The following ETV6 variants were observed in gnomAD, a reference collection of about 807,000 sequenced individuals.
The protein encoded by ETV6 is ETS variant transcription factor 6.
A neutral mutation model predicts 51.1 loss-of-function variants in ETV6; 16 were observed. The observed-to-expected ratio is 0.31, with a 90% CI of 0.21 to 0.48. ETV6 has a LOEUF of 0.48. ETV6 is among the 20% of genes least tolerant of loss of function. The pLI is 0.99. For missense variants in ETV6, 458 were observed against 594.8 expected, an observed-to-expected ratio of 0.77 and a Z score of 2.39; for synonymous variants, 240 against 224.1, an observed-to-expected ratio of 1.07 and a Z score of -0.64.
chr12:11,712,589 A>C (rs2120888098), intron 1 of ETV6, among the ~76,000 whole-genome samples: 1 of 152,338 alleles, frequency 6.6e-6, no homozygotes, highest in Middle Eastern at 3.4e-3. Flanking sequence ...TAGGGATGGC[A>C]GGCTGGAGAC....
intron 1 of ETV6, among the ~76,000 whole-genome samples, chr12:11,687,482 CA>C (rs1274802532): frequency 2.0e-5 from 3 of 151,884 alleles, no homozygotes; most frequent in South Asian, 4.1e-4. Flanking sequence ...CCCAGCGCCA[CA>C]CCCCCTTTTT....
chr12:11,838,239 T>G (rs1433704199), intron 2 of ETV6, among the ~76,000 whole-genome samples: 1 of 152,238 alleles, frequency 6.6e-6, no homozygotes, highest in Non-Finnish European at 1.5e-5. Flanking sequence ...ACAAGATGTT[T>G]TACTTCATAG....
At chr12:11,761,772 T>C (rs1004727216) in intron 2 of ETV6, among the ~76,000 whole-genome samples, 3 of 152,258 alleles carry the variant, frequency 2.0e-5, no homozygotes, top group African/African-American at 7.2e-5. Flanking sequence ...CTCAGGACTG[T>C]GGTTTCCACA....
intron 2 of ETV6, among the ~76,000 whole-genome samples, chr12:11,760,878 A>ATGTATGTG (rs1555125117): frequency 0.012 from 1,781 of 148,522 alleles, 14 homozygotes; most frequent in Non-Finnish European, 0.019. Context: ...TATTATATAT[A>ATGTATGTG]TGTGTGTGTG....
At chr12:11,736,262 A>G (rs942748488) in intron 1 of ETV6, among the ~76,000 whole-genome samples, 27 of 152,246 alleles carry the variant, frequency 1.8e-4, no homozygotes, top group African/African-American at 4.3e-4. Context: ...TCTACAGTGT[A>G]TCAGGCACTG....
At position 11,881,102 on chromosome 12, in the gene ETV6, T is replaced by G. The variant is rs188822285; in HGVS notation, c.1010-3343T>G. Among the ~76,000 whole-genome samples, 76 of 152,260 alleles carry G rather than the reference T, an allele frequency of 5.0e-4. No individual in the cohort carries two copies. In the East Asian group the frequency reaches 0.012, roughly 24 times the overall value. On this transcript the variant is annotated intron_variant, in intron 5 of 7. Coordinates refer to ENST00000396373, the MANE Select transcript of ETV6 (RefSeq NM_001987.5). Reference sequence around the variant, plus strand: ...ACAGGCATGCACCACCACGCCTGGATAATTTTTAAATTTTTTGTAGAGATG... The same window carrying G: ...ACAGGCATGCACCACCACGCCTGGAGAATTTTTAAATTTTTTGTAGAGATG...
At chr12:11,792,824 G>A (rs1945622026) in intron 2 of ETV6, among the ~76,000 whole-genome samples, 1 of 152,090 alleles carries the variant, frequency 6.6e-6, no homozygotes, top group East Asian at 1.9e-4. Context: ...GAAATAAAAA[G>A]CATTAAGTTT....
At chr12:11,708,432 G>A (rs1865112101) in intron 1 of ETV6, among the ~76,000 whole-genome samples, 2 of 152,208 alleles carry the variant, frequency 1.3e-5, no homozygotes. Context: ...TAATGGTGCT[G>A]TAACTGCGTT....
intron 2 of ETV6, among the ~76,000 whole-genome samples, chr12:11,834,707 C>G (rs928098358): frequency 6.6e-6 from 1 of 152,156 alleles, no homozygotes; most frequent in African/African-American, 2.4e-5. Flanking sequence ...TCAGAAGATC[C>G]TTCAGGAAGT....
At chr12:11,691,838 G>A (rs1007251367) in intron 1 of ETV6, among the ~76,000 whole-genome samples, 5 of 152,198 alleles carry the variant, frequency 3.3e-5, no homozygotes, top group East Asian at 1.9e-4. Flanking sequence ...AGTTGTCCAC[G>A]TGCAAAAGAG....
At chr12:11,654,862 A>G (rs1863972001) in intron 1 of ETV6, among the ~76,000 whole-genome samples, 1 of 152,190 alleles carries the variant, frequency 6.6e-6, no homozygotes, top group Admixed American at 6.5e-5. Context: ...AATCCTATTT[A>G]TACTTTAATT....
At chr12:11,880,256 C>T (rs1591745678) in intron 5 of ETV6, among the ~76,000 whole-genome samples, 1 of 152,162 alleles carries the variant, frequency 6.6e-6, no homozygotes, top group Non-Finnish European at 1.5e-5. Flanking sequence ...TTTTATTACT[C>T]AGCTAAAGTT....
rs75366858 is a variant in ETV6 at position 11,828,906 on chromosome 12, A to G, written c.164-10234A>G. Among the ~76,000 whole-genome samples, 940 of 152,278 alleles carry G rather than the reference A, an allele frequency of 6.2e-3. 12 individuals carry two copies. Among genetic ancestry groups the G allele is most frequent in the African/African-American group, 0.022 (901 of 41,542 alleles). ...TGCGTTACATGACTTAATCTTGATT[A>G]CTGAAACTTTTTAAAGGTACCCCTT... On this transcript the variant is annotated intron_variant, in intron 2 of 7. Coordinates refer to ENST00000396373, the MANE Select transcript of ETV6 (RefSeq NM_001987.5).
chr12:11,717,731 G>A (rs1249211611), intron 1 of ETV6, among the ~76,000 whole-genome samples: 6 of 152,162 alleles, frequency 3.9e-5, no homozygotes, highest in Non-Finnish European at 5.9e-5. Context: ...AAAATACACC[G>A]TGGGACATTT....
chr12:11,885,006 A>C (rs1257011672), intron 6 of ETV6, among the ~76,000 whole-genome samples: 1 of 152,222 alleles, frequency 6.6e-6, no homozygotes, highest in African/African-American at 2.4e-5. Context: ...CCATTTCTTT[A>C]TAGAAAATAC....
At position 11,714,977 on chromosome 12, in the gene ETV6, T is replaced by A. The variant is rs928045311; in HGVS notation, c.34-37473T>A. Among the ~76,000 whole-genome samples the A allele has an allele frequency of 1.2e-4, 19 of 152,006 alleles. 1 individual carries two copies. On this transcript the variant is annotated intron_variant, in intron 1 of 7. Transcript: ENST00000396373. ...AAGACCATGGGCCCATCACACCCAG[T>A]TTGGAGATGATTAAAGATGATACCC...
intron 1 of ETV6, among the ~76,000 whole-genome samples, chr12:11,689,828 C>A (rs554752018): frequency 1.6e-5 from 2 of 125,256 alleles, no homozygotes; most frequent in Non-Finnish European, 3.3e-5. Context: ...CCCCCACCCC[C>A]CTTTGTCTTT....
chr12:11,664,178 T>C (rs1208413080), intron 1 of ETV6, among the ~76,000 whole-genome samples: 1 of 152,192 alleles, frequency 6.6e-6, no homozygotes, highest in African/African-American at 2.4e-5. Context: ...TCTGCTACTA[T>C]TGGGTTTTTA....
intron 1 of ETV6, among the ~76,000 whole-genome samples, chr12:11,680,054 A>G (rs1048223455): frequency 6.6e-6 from 1 of 152,236 alleles, no homozygotes; most frequent in Non-Finnish European, 1.5e-5. Flanking sequence ...AAGTTGAGAC[A>G]TCCAGCTTGA....
Sources: gnomAD v4.1 joint callset for allele counts (sites outside exome capture counted in the v4.1 genomes callset) on GRCh38, gnomAD v4.1.1 for gene constraint, MANE v1.5 for transcripts, NCBI Gene and HGNC (gene_info 2026-07-23, HGNC 2026-07-21) for gene names.